ZNF695: variants seen among roughly 807,000 people sequenced by gnomAD.
The protein encoded by ZNF695 is zinc finger protein 695.
In ZNF695, 11 loss-of-function variants were observed where a neutral mutation model predicts 11.2. That is an observed-to-expected ratio of 0.98 (90% CI 0.62 to 1.62). The LOEUF is 1.62. ZNF695 is among the 40% of genes most tolerant of loss of function. The pLI is 0.00. For missense variants in ZNF695, 559 were observed against 590.5 expected, an observed-to-expected ratio of 0.95 and a Z score of 0.55; for synonymous variants, 190 against 201.4, an observed-to-expected ratio of 0.94 and a Z score of 0.48.
At chr1:246,992,514 A>T (rs1453133588) in intron 3 of ZNF695, among the ~76,000 whole-genome samples, 8 of 152,204 alleles carry the variant, frequency 5.3e-5, no homozygotes, top group Non-Finnish European at 1.0e-4. Flanking sequence ...ACCATAGTCA[A>T]AGATAATTTC....
chr1:246,959,298 A>AT (rs1668091424), intron 5 of ZNF695, among the ~76,000 whole-genome samples: 1 of 64,664 alleles, frequency 1.5e-5, no homozygotes, highest in Non-Finnish European at 2.9e-5. Flanking sequence ...AAAAAAAAAA[A>AT]AAAAAAAAAA....
chr1:246,976,899 A>G (rs1335147233), intron 4 of ZNF695, among the ~76,000 whole-genome samples: 1 of 152,240 alleles, frequency 6.6e-6, no homozygotes, highest in Admixed American at 6.5e-5. Context: ...TTGCCTCTAT[A>G]AAGTTCAGAA....
chr1:246,983,158 C>A (rs1396230533), downstream of ZNF695, among the ~76,000 whole-genome samples: 1 of 150,628 alleles, frequency 6.6e-6, no homozygotes, highest in East Asian at 2.0e-4. Flanking sequence ...GAGCCGTGAT[C>A]GCGCCACTAC....
chr1:246,994,652 A>G (rs1669141415), intron 3 of ZNF695, among the ~76,000 whole-genome samples: 2 of 151,816 alleles, frequency 1.3e-5, no homozygotes, highest in African/African-American at 4.8e-5. Context: ...CCTGGCTAAC[A>G]TGGTGAAACC....
intron 5 of ZNF695, among the ~76,000 whole-genome samples, chr1:246,948,135 G>T (rs1220289710): frequency 6.6e-6 from 1 of 152,082 alleles, no homozygotes; most frequent in Admixed American, 6.6e-5. Context: ...ATGCAGTGGC[G>T]TGATCTTGGC....
rs1025971614 is a variant in ZNF695 at position 247,008,046 on chromosome 1, A to C, written c.-138T>G. On this transcript the variant is annotated 5_prime_UTR_variant, in exon 1 of 4. Coordinates refer to ENST00000339986, the MANE Select transcript of ZNF695 (RefSeq NM_020394.5). The stretch of plus-strand genomic sequence containing the variant: ...GGGAACCCAGCACCCCGCCGGCCGC[A>C]AGGAGACAAAGGCCCCGCCAGATCC... 1 of 909,382 alleles carries C rather than the reference A, an allele frequency of 1.1e-6. No individual in the cohort carries two copies. Among genetic ancestry groups the C allele is most frequent in the Non-Finnish European group, 1.5e-6 (1 of 666,026 alleles). The allele number at this position is 909,382 out of a possible 1,614,324, so 56.3% of individuals were successfully genotyped here.
chr1:246,998,977 AATATATATATATATATATAT>A (rs6143721), intron 3 of ZNF695, among the ~76,000 whole-genome samples: 111,380 of 144,376 alleles, frequency 0.77, 43,221 homozygotes, highest in East Asian at 0.96. Context: ...CAAGAAAACA[AATATATATATATATATATAT>A]ATATATATAT....
intron 1 of ZNF695, among the ~76,000 whole-genome samples, chr1:247,005,329 T>C (rs1669500687): frequency 6.6e-6 from 1 of 152,124 alleles, no homozygotes; most frequent in South Asian, 2.1e-4. Flanking sequence ...AGAACATACT[T>C]TGGGGGAAAC....
intron 4 of ZNF695, among the ~76,000 whole-genome samples, chr1:246,975,973 A>G (rs1326338963): frequency 1.3e-5 from 2 of 152,176 alleles, no homozygotes; most frequent in African/African-American, 4.8e-5. Flanking sequence ...GGAGGAAACG[A>G]CCATCTCTGA....
intron 5 of ZNF695, among the ~76,000 whole-genome samples, chr1:246,946,073 A>C (rs780608467): frequency 3.3e-5 from 5 of 152,090 alleles, no homozygotes; most frequent in Non-Finnish European, 7.4e-5. Context: ...GGGAGGTTTG[A>C]GCTTTTATTT....
At chr1:246,984,161 AAAAAAAAAAGAAG>A (rs1259389772), downstream of ZNF695, among the ~76,000 whole-genome samples, 29 of 150,930 alleles carry the variant, frequency 1.9e-4, no homozygotes, top group African/African-American at 7.0e-4. Context: ...CCAAAAAAAA[AAAAAAAAAAGAAG>A]AAGAAAAAGA....
intron 5 of ZNF695, among the ~76,000 whole-genome samples, chr1:246,956,738 G>A (rs1288409212): frequency 6.6e-6 from 1 of 152,104 alleles, no homozygotes; most frequent in Admixed American, 6.5e-5. Context: ...GTAGAGATGT[G>A]GTCTTGCTGT....
chr1:246,980,189 A>C (rs376264322), intron 4 of ZNF695, among the ~76,000 whole-genome samples: 9 of 150,880 alleles, frequency 6.0e-5, no homozygotes, highest in East Asian at 5.8e-4. Flanking sequence ...AAAAAAAAAA[A>C]AAAAAAAAAA....
At chr1:246,973,631 C>T (rs1447972469) in intron 4 of ZNF695, among the ~76,000 whole-genome samples, 2 of 152,178 alleles carry the variant, frequency 1.3e-5, no homozygotes, top group Non-Finnish European at 2.9e-5. Context: ...TGATACTCTT[C>T]TATGTATTAA....
chr1:246,985,773 T>G lies in ZNF695; in HGVS notation c.*1194A>C, dbSNP rs551572012. Reference sequence around the variant, plus strand: ...AATAGTACTCTGAAGACCTATCTCATGAATCACTTACAACCCTATTATAAG... The same window carrying G: ...AATAGTACTCTGAAGACCTATCTCAGGAATCACTTACAACCCTATTATAAG... On this transcript the variant is annotated 3_prime_UTR_variant, in exon 4 of 4. Coordinates refer to ENST00000339986, the MANE Select transcript of ZNF695 (RefSeq NM_020394.5). 2.2e-5 allele frequency: 22 copies of G among 985,428 alleles called. No individual in the cohort carries two copies. In the East Asian group the frequency reaches 6.8e-4, roughly 31 times the overall value. The allele number at this position is 985,428 out of a possible 1,614,324, so 61.0% of individuals were successfully genotyped here. A position where few individuals can be genotyped will look rare whatever the true frequency, so the allele number is the denominator to read the frequency against.
rs567452955 is a variant in ZNF695 at position 246,952,540 on chromosome 1, C to T, written c.489-6713G>A. The stretch of plus-strand genomic sequence containing the variant: ...GACTAGAATAAATAATGTTATGCTT[C>T]TTCTTCTTCTTTTTTTTTTTTTTTG... On this transcript the variant is annotated intron_variant, in intron 5 of 5. Transcript: ENST00000487338. 5.9e-5 allele frequency among the ~76,000 whole-genome samples: 8 copies of T among 135,226 alleles called. No individual in the cohort carries two copies. In the East Asian group the frequency reaches 1.8e-3, roughly 30 times the overall value. 88.7% of individuals were successfully genotyped at this position (135,226 alleles called of 152,430 possible).
intron 5 of ZNF695, among the ~76,000 whole-genome samples, chr1:246,954,679 A>G (rs994166537): frequency 7.9e-5 from 12 of 152,178 alleles, no homozygotes; most frequent in Non-Finnish European, 4.4e-5. Flanking sequence ...TGATCAGATC[A>G]TCTGTAAAAA....
intron 3 of ZNF695, 88 bp downstream of exon 3, chr1:246,999,260 T>G (rs1669294494): frequency 1.9e-6 from 2 of 1,063,186 alleles, no homozygotes; most frequent in Non-Finnish European, 2.9e-6. Flanking sequence ...TTCCTGGGAG[T>G]AGAGCTTCCC....
Position 246,985,557 on chromosome 1 carries a change from G to C in ZNF695, c.*1410C>G. Reference sequence around the variant, plus strand: ...AACTAAGGTGAGATAGGTTAACGTTGGTGGTAGGATACGCATCACTTAATG... The same window carrying C: ...AACTAAGGTGAGATAGGTTAACGTTCGTGGTAGGATACGCATCACTTAATG... On this transcript the variant is annotated 3_prime_UTR_variant, in exon 4 of 4. Transcript: ENST00000339986. 5 of 985,278 alleles carry C rather than the reference G, an allele frequency of 5.1e-6. No individual in the cohort carries two copies. Among genetic ancestry groups the C allele is most frequent in the Non-Finnish European group, 6.0e-6 (5 of 829,922 alleles). The allele number at this position is 985,278 out of a possible 1,614,324, so 61.0% of individuals were successfully genotyped here.
Sources: allele counts gnomAD v4.1 joint callset (sites outside exome capture counted in the v4.1 genomes callset), GRCh38; gene constraint gnomAD v4.1.1; transcripts MANE v1.5; gene names NCBI Gene and HGNC (gene_info 2026-07-23, HGNC 2026-07-21).